NAV3: variants seen among roughly 807,000 people sequenced by gnomAD.
NAV3 encodes the protein pore membrane and/or filament interacting like protein 1.
In NAV3, 87 loss-of-function variants were observed where a neutral mutation model predicts 244.7. That is an observed-to-expected ratio of 0.36 (90% CI 0.30 to 0.42). The LOEUF is 0.42. Ranked by LOEUF, NAV3 falls within the 20% of genes least tolerant of loss-of-function variation. NAV3 has a pLI of 1.00. For synonymous variants in NAV3, 1,126 were observed against 1,042.2 expected (o/e 1.08, Z -1.55); for missense variants, 2,663 against 2,893.3 (o/e 0.92, Z 1.83).
intron 2 of NAV3, among the ~76,000 whole-genome samples, chr12:77,631,746 C>T (rs1015941339): frequency 2.0e-5 from 3 of 152,162 alleles, no homozygotes; most frequent in African/African-American, 7.2e-5. Context: ...CATTTTTAAC[C>T]TTAAAAATAG....
chr12:78,152,121 A>T (rs1376037674), intron 22 of NAV3, among the ~76,000 whole-genome samples: 1 of 151,620 alleles, frequency 6.6e-6, no homozygotes, highest in Non-Finnish European at 1.5e-5. Context: ...AGTGATAGGG[A>T]CTATCAAAGC....
intron 12 of NAV3, among the ~76,000 whole-genome samples, chr12:78,070,402 G>GTT (rs369994220): frequency 9.3e-5 from 13 of 139,414 alleles, no homozygotes; most frequent in South Asian, 2.3e-4. Flanking sequence ...CTCAGGTGAA[G>GTT]TTTTTTTTTT....
At chr12:77,832,755 T>C (rs1873937553) in intron 1 of NAV3, among the ~76,000 whole-genome samples, 1 of 152,054 alleles carries the variant, frequency 6.6e-6, no homozygotes, top group African/African-American at 2.4e-5. Context: ...TTGTACTCAT[T>C]AACGATCCAC....
chr12:78,012,874 A>G (rs1875544453), intron 8 of NAV3, among the ~76,000 whole-genome samples: 1 of 152,124 alleles, frequency 6.6e-6, no homozygotes, highest in Non-Finnish European at 1.5e-5. Context: ...ATTGAAATTA[A>G]GAGTCTTGTC....
At chr12:78,067,985 AAAG>A (rs979587277) in intron 12 of NAV3, among the ~76,000 whole-genome samples, 13 of 152,112 alleles carry the variant, frequency 8.5e-5, no homozygotes, top group African/African-American at 2.6e-4. Context: ...AAGGAGGAGA[AAAG>A]AGGAGGAGGA....
intron 2 of NAV3, among the ~76,000 whole-genome samples, chr12:77,762,713 T>A (rs1464688552): frequency 7.7e-6 from 1 of 130,574 alleles, no homozygotes; most frequent in Non-Finnish European, 1.6e-5. Context: ...CACCCAGGCT[T>A]CATGGGTTTT....
At chr12:78,101,845 T>C (rs937581999) in intron 12 of NAV3, among the ~76,000 whole-genome samples, 9 of 152,166 alleles carry the variant, frequency 5.9e-5, no homozygotes, top group African/African-American at 2.2e-4. Context: ...ACCCAAAGCC[T>C]AACAGTTAAT....
At chr12:78,041,972 A>T (rs1880942208) in intron 9 of NAV3, among the ~76,000 whole-genome samples, 1 of 151,250 alleles carries the variant, frequency 6.6e-6, no homozygotes, top group Admixed American at 6.6e-5. Flanking sequence ...TTTCCATTCC[A>T]TTCCCTTCCC....
intron 2 of NAV3, among the ~76,000 whole-genome samples, chr12:77,700,254 A>G (rs1211953070): frequency 6.6e-6 from 1 of 152,124 alleles, no homozygotes; most frequent in Non-Finnish European, 1.5e-5. Context: ...TCATCCTTGA[A>G]ATGACCTTGG....
chr12:77,735,692 C>A (rs539230903), intron 2 of NAV3, among the ~76,000 whole-genome samples: 76 of 152,174 alleles, frequency 5.0e-4, no homozygotes, highest in African/African-American at 1.7e-3. Flanking sequence ...AAATTTACTT[C>A]TTTACATGGG....
intron 2 of NAV3, among the ~76,000 whole-genome samples, chr12:77,765,887 AT>A (rs1869725549): frequency 6.6e-6 from 1 of 152,162 alleles, no homozygotes. Context: ...AAGAAAAAAT[AT>A]ATAATAAAAG....
chr12:78,143,256 C>T, intron 20 of NAV3: 1 of 402,768 alleles, frequency 2.5e-6, no homozygotes, highest in South Asian at 1.7e-5. Flanking sequence ...CTCCGGATGT[C>T]TGCAAAGTGG....
intron 22 of NAV3, among the ~76,000 whole-genome samples, chr12:78,153,694 A>T (rs1343288671): frequency 6.6e-6 from 1 of 152,126 alleles, no homozygotes; most frequent in Non-Finnish European, 1.5e-5. Flanking sequence ...TACTGAATGA[A>T]TGTGTAAGAA....
intron 2 of NAV3, among the ~76,000 whole-genome samples, chr12:77,774,783 A>ACT (rs1870266556): frequency 6.7e-6 from 1 of 149,766 alleles, no homozygotes; most frequent in African/African-American, 2.5e-5. Context: ...AAGACTATAT[A>ACT]CCCAAAACAT....
chr12:78,031,386 G>A (rs142732489), intron 9 of NAV3, among the ~76,000 whole-genome samples: 1 of 152,054 alleles, frequency 6.6e-6, no homozygotes, highest in Non-Finnish European at 1.5e-5. Flanking sequence ...ATTGATATAA[G>A]TGGAGCCAAT....
intron 1 of NAV3, among the ~76,000 whole-genome samples, chr12:77,882,605 C>G (rs917005944): frequency 6.6e-6 from 1 of 152,122 alleles, no homozygotes; most frequent in African/African-American, 2.4e-5. Flanking sequence ...TAAAGACCTT[C>G]TGCACATTGA....
chr12:77,610,600 C>T (rs1870867851), intron 2 of NAV3, among the ~76,000 whole-genome samples: 1 of 152,036 alleles, frequency 6.6e-6, no homozygotes, highest in South Asian at 2.1e-4. Flanking sequence ...GGTCACAGAG[C>T]TGTAATTCTG....
chr12:78,147,721 C>T (rs1956921267), intron 21 of NAV3, among the ~76,000 whole-genome samples: 1 of 151,828 alleles, frequency 6.6e-6, no homozygotes. Context: ...TTGAGTTGAC[C>T]ACCATTTATT....
At chr12:77,595,044 C>T (rs1438711011) in intron 2 of NAV3, among the ~76,000 whole-genome samples, 1 of 152,080 alleles carries the variant, frequency 6.6e-6, no homozygotes, top group African/African-American at 2.4e-5. Context: ...ATCTAGCAAT[C>T]CCTCTTCTAG....
Sources: allele counts gnomAD v4.1 joint callset (sites outside exome capture counted in the v4.1 genomes callset), GRCh38; gene constraint gnomAD v4.1.1; transcripts MANE v1.5; gene names NCBI Gene and HGNC (gene_info 2026-07-23, HGNC 2026-07-21).